DPP10: variants seen among roughly 807,000 people sequenced by gnomAD.
DPP10 encodes inactive dipeptidyl peptidase 10.
A neutral mutation model predicts 120.9 loss-of-function variants in DPP10; 33 were observed. That is an observed-to-expected ratio of 0.27 (90% CI 0.21 to 0.37). DPP10 has a LOEUF of 0.37. DPP10 is among the 10% of genes least tolerant of loss of function. The pLI is 1.00. For missense variants in DPP10, 816 were observed against 942.8 expected (o/e 0.87, Z 1.76); for synonymous variants, 337 against 326.1 (o/e 1.03, Z -0.36).
chr2:115,376,799 G>T (rs1328986980), intron 3 of DPP10, among the ~76,000 whole-genome samples: 4 of 150,264 alleles, frequency 2.7e-5, no homozygotes, highest in African/African-American at 9.8e-5. Context: ...AGAATATGTG[G>T]TGTTTGGTTT....
At chr2:114,578,677 T>C (rs1488249028) in intron 1 of DPP10, among the ~76,000 whole-genome samples, 4 of 152,182 alleles carry the variant, frequency 2.6e-5, no homozygotes, top group Non-Finnish European at 5.9e-5. Context: ...AGAGATCAAT[T>C]ATAAATTGAG....
At chr2:115,253,714 G>T (rs1574176793) in intron 1 of DPP10, among the ~76,000 whole-genome samples, 1 of 152,212 alleles carries the variant, frequency 6.6e-6, no homozygotes, top group Non-Finnish European at 1.5e-5. Context: ...TGCTGCAAGG[G>T]GTTGGCTCCC....
chr2:114,570,627 C>T (rs978782460), intron 1 of DPP10, among the ~76,000 whole-genome samples: 4 of 151,240 alleles, frequency 2.6e-5, no homozygotes, highest in Admixed American at 6.6e-5. Flanking sequence ...AGATCGAGAC[C>T]ATCCTGGCTA....
At chr2:115,346,992 C>T (rs901976285) in intron 3 of DPP10, among the ~76,000 whole-genome samples, 1 of 152,042 alleles carries the variant, frequency 6.6e-6, no homozygotes. Context: ...TCATTGCTGT[C>T]GTAGGGTGGA....
chr2:114,507,583 A>T (rs923452285), intron 1 of DPP10, among the ~76,000 whole-genome samples: 16 of 151,850 alleles, frequency 1.1e-4, no homozygotes, highest in Middle Eastern at 3.4e-3. Context: ...TTCTTTTTTT[A>T]AAAAAAACCA....
At chr2:115,459,925 T>TTG (rs2073881950) in intron 3 of DPP10, among the ~76,000 whole-genome samples, 1 of 130,138 alleles carries the variant, frequency 7.7e-6, no homozygotes, top group African/African-American at 2.7e-5. Context: ...AACATATATT[T>TTG]TATATATATA....
At chr2:115,582,523 C>A (rs2082057935) in intron 5 of DPP10, among the ~76,000 whole-genome samples, 1 of 152,154 alleles carries the variant, frequency 6.6e-6, no homozygotes, top group Non-Finnish European at 1.5e-5. Context: ...CAACCGTCTG[C>A]TAATGGTCAC....
At chr2:114,672,389 C>G (rs971478409) in intron 1 of DPP10, among the ~76,000 whole-genome samples, 12 of 152,158 alleles carry the variant, frequency 7.9e-5, no homozygotes, top group Non-Finnish European at 1.3e-4. Flanking sequence ...TTCCCATTCT[C>G]CTACAAAGAA....
chr2:115,073,831 T>C (rs577124072), intron 1 of DPP10, among the ~76,000 whole-genome samples: 5 of 152,234 alleles, frequency 3.3e-5, no homozygotes, highest in Non-Finnish European at 7.3e-5. Flanking sequence ...AAGTGCTCAG[T>C]GTGCGTTAAT....
chr2:114,997,754 T>C (rs1701189559), intron 1 of DPP10, among the ~76,000 whole-genome samples: 2 of 152,176 alleles, frequency 1.3e-5, no homozygotes, highest in Non-Finnish European at 2.9e-5. Flanking sequence ...TCTGAAGAGA[T>C]AAGGGAAAGT....
At chr2:115,468,968 T>G in intron 3 of DPP10, 1 of 234,242 alleles carries the variant, frequency 4.3e-6, no homozygotes, top group Non-Finnish European at 8.5e-6. Flanking sequence ...TTTTTTTTTT[T>G]TTTTCCTCCT....
At chr2:114,747,357 A>G (rs1678673015) in intron 1 of DPP10, among the ~76,000 whole-genome samples, 1 of 152,134 alleles carries the variant, frequency 6.6e-6, no homozygotes, top group Admixed American at 6.6e-5. Context: ...AAGATCCTTT[A>G]TTTAAGGGCC....
At chr2:115,712,539 A>ATTTTATTTAT (rs1398073048) in intron 7 of DPP10, among the ~76,000 whole-genome samples, 1 of 9,870 alleles carries the variant, frequency 1.0e-4, no homozygotes, top group African/African-American at 1.1e-4. Context: ...AGAGTCCTGA[A>ATTTTATTTAT]TTAAATATAT....
chr2:115,052,676 G>A (rs1182949711), intron 1 of DPP10, among the ~76,000 whole-genome samples: 1 of 152,166 alleles, frequency 6.6e-6, no homozygotes, highest in East Asian at 1.9e-4. Flanking sequence ...AACAGGCCGG[G>A]CGTGGTGGCT....
At chr2:115,064,807 T>C (rs1345664942) in intron 1 of DPP10, 4 of 1,304,150 alleles carry the variant, frequency 3.1e-6, no homozygotes, top group African/African-American at 1.5e-5. Context: ...TCTGAAAAGG[T>C]AAGTGGATGC....
intron 1 of DPP10, among the ~76,000 whole-genome samples, chr2:114,951,948 A>G: frequency 6.6e-6 from 1 of 152,008 alleles, no homozygotes; most frequent in East Asian, 1.9e-4. Context: ...ATCTGATGTC[A>G]AATATAAGAA....
intron 1 of DPP10, among the ~76,000 whole-genome samples, chr2:114,727,718 T>A (rs1458311788): frequency 1.3e-5 from 2 of 152,196 alleles, no homozygotes; most frequent in African/African-American, 2.4e-5. Flanking sequence ...GTGTGTTTTG[T>A]GTAGTAAAGA....
At chr2:114,928,585 G>C (rs988482441) in intron 1 of DPP10, among the ~76,000 whole-genome samples, 33 of 152,090 alleles carry the variant, frequency 2.2e-4, no homozygotes, top group Non-Finnish European at 3.8e-4. Flanking sequence ...AATGCCTGTG[G>C]CTTTTCCAGC....
intron 3 of DPP10, among the ~76,000 whole-genome samples, chr2:115,457,665 C>T (rs1301877915): frequency 2.6e-5 from 1 of 38,784 alleles, no homozygotes; most frequent in Non-Finnish European, 2.5e-4. Context: ...TACCTATAAT[C>T]AAAACGGCAA....
Sources: allele counts gnomAD v4.1 joint callset (sites outside exome capture counted in the v4.1 genomes callset), GRCh38; gene constraint gnomAD v4.1.1; transcripts MANE v1.5; gene names NCBI Gene and HGNC (gene_info 2026-07-23, HGNC 2026-07-21).